The following SVIL variants were observed in gnomAD, a reference collection of about 807,000 sequenced individuals.
SVIL encodes archvillin.
SVIL carries 101 observed loss-of-function variants against 240.4 expected under a neutral mutation model. The ratio of observed to expected loss-of-function variants is 0.42; its 90% CI spans 0.36 to 0.50. The LOEUF (loss-of-function observed/expected upper bound fraction) is 0.50. SVIL is among the 20% of genes least tolerant of loss of function. The pLI is 0.01. For synonymous variants in SVIL, 999 were observed against 1,100.0 expected, an observed-to-expected ratio of 0.91 and a Z score of 1.82; for missense variants, 2,512 against 2,818.7, an observed-to-expected ratio of 0.89 and a Z score of 2.46.
intron 2 of SVIL, among the ~76,000 whole-genome samples, chr10:29,568,405 G>C (rs1955166779): frequency 2.0e-5 from 3 of 151,734 alleles, no homozygotes; most frequent in South Asian, 4.2e-4. Context: ...TTTGGTCAAG[G>C]AACAATGTCA....
At chr10:29,717,232 CAAAAAAAAAAAAA>C (rs71023503) in intron 1 of SVIL, among the ~76,000 whole-genome samples, 17 of 38,324 alleles carry the variant, frequency 4.4e-4, no homozygotes, top group South Asian at 3.4e-3. Context: ...GACTCTCTCT[CAAAAAAAAAAAAA>C]AAAAAAAAAA....
chr10:29,703,213 T>C lies in SVIL; in HGVS notation c.-399-16562A>G, dbSNP rs147661108. 4.9e-3 allele frequency among the ~76,000 whole-genome samples: 739 copies of C among 152,288 alleles called. 7 individuals carry two copies. Among genetic ancestry groups the C allele is most frequent in the African/African-American group, 0.014 (561 of 41,542 alleles). ...CCATTTTCATAATTTTTCTCTGCTGTTTTTAAAGTTTCTCTGGGTTCATTA... is the reference window on the plus strand; with the variant it reads ...CCATTTTCATAATTTTTCTCTGCTGCTTTTAAAGTTTCTCTGGGTTCATTA... On this transcript the variant is annotated intron_variant, in intron 1 of 35. Coordinates refer to the SVIL transcript ENST00000375400.
At chr10:29,554,234 T>A (rs55772408) in intron 5 of SVIL, among the ~76,000 whole-genome samples, 1 of 151,494 alleles carries the variant, frequency 6.6e-6, no homozygotes, top group African/African-American at 2.4e-5. Context: ...TCACTTGACC[T>A]TGGGAGGTTG....
intron 1 of SVIL, among the ~76,000 whole-genome samples, chr10:29,724,838 A>G (rs1380618807): frequency 6.6e-6 from 1 of 152,070 alleles, no homozygotes; most frequent in Non-Finnish European, 1.5e-5. Flanking sequence ...CCTGGTCAAC[A>G]TGGTGAAACC....
At chr10:29,582,486 C>A (rs1036469483) in intron 1 of SVIL, among the ~76,000 whole-genome samples, 1 of 152,094 alleles carries the variant, frequency 6.6e-6, no homozygotes, top group Non-Finnish European at 1.5e-5. Context: ...CCTGTAATCC[C>A]AGCACTTTGG....
rs574090214 is a variant in SVIL, at chr10:29,722,282, G to A, written c.-400+13469C>T. Reference sequence around the variant, plus strand: ...GAAAAAAAACTGCATCAGCAAGTACGAGTTTTTAAAATGCAAAAATTTCCC... The same window carrying A: ...GAAAAAAAACTGCATCAGCAAGTACAAGTTTTTAAAATGCAAAAATTTCCC... On this transcript the variant is annotated intron_variant, in intron 1 of 35. Transcript: ENST00000375400. Among the ~76,000 whole-genome samples, 89 of 150,868 alleles carry A rather than the reference G, an allele frequency of 5.9e-4. 2 individuals are homozygous for A. The South Asian group carries it at 0.012, about 20-fold the overall frequency.
At chr10:29,627,150 GAC>G (rs1957906855) in intron 1 of SVIL, among the ~76,000 whole-genome samples, 1 of 152,114 alleles carries the variant, frequency 6.6e-6, no homozygotes, top group Non-Finnish European at 1.5e-5. Flanking sequence ...AACAAGCAAG[GAC>G]AGTGAGAGGA....
intron 1 of SVIL, among the ~76,000 whole-genome samples, chr10:29,720,601 G>A (rs935114687): frequency 2.0e-5 from 3 of 152,094 alleles, no homozygotes; most frequent in African/African-American, 7.2e-5. Context: ...AAGAACAGTG[G>A]AAATAGTTAC....
chr10:29,590,336 G>T lies in SVIL; in HGVS notation c.-200-21024C>A, dbSNP rs74129735. Among the ~76,000 whole-genome samples the T allele has an allele frequency of 6.1e-3, 924 of 152,146 alleles. 10 individuals carry two copies. The highest frequency in any genetic ancestry group is 0.021 in the African/African-American group (869 of 41,508). ...CCCAGCACAAAAGAGCTATTCACAT[G>T]CTTGATTGTACTGAGCCAGCCCCTG... is the stretch of plus-strand genomic sequence containing the variant. On this transcript the variant is annotated intron_variant, in intron 1 of 37. Coordinates refer to ENST00000355867, the MANE Select transcript of SVIL (RefSeq NM_021738.3).
At chr10:29,708,639 A>C (rs1281069007) in intron 1 of SVIL, among the ~76,000 whole-genome samples, 1 of 152,196 alleles carries the variant, frequency 6.6e-6, no homozygotes, top group Admixed American at 6.5e-5. Context: ...AAAAGAAAAC[A>C]AAAGATTTTG....
rs752713834 is a variant in SVIL at position 29,480,757 on chromosome 10, G to A, written c.5157C>T (p.Pro1719=). The part of the protein sequence containing the change: ...AYDVTRMVSM[P]QTTAGTILDG... ...CCAGGATGGTGCCTGCTGTCGTCTG[G>A]GGCATGGACACCATCCGTGTCACAT... Residue 1719 remains proline (P), a synonymous_variant, in exon 29 of 38, where the codon CCC becomes CCT. Transcript: ENST00000355867. 2 of 1,613,942 alleles carry A rather than the reference G, an allele frequency of 1.2e-6. No homozygotes were observed. Among genetic ancestry groups the A allele is most frequent in the East Asian group, 4.5e-5 (2 of 44,872 alleles).
At chr10:29,506,635 A>AGGGAGGGGACAGAGGCCCTAT (rs1554826538) in intron 17 of SVIL, among the ~76,000 whole-genome samples, 6 of 136,394 alleles carry the variant, frequency 4.4e-5, no homozygotes, top group African/African-American at 1.4e-4. Context: ...CAGAGGCCCT[A>AGGGAGGGGACAGAGGCCCTAT]GAGGGAGGGG....
intron 36 of SVIL, among the ~76,000 whole-genome samples, chr10:29,460,967 C>T (rs1414916943): frequency 6.6e-6 from 1 of 152,078 alleles, no homozygotes; most frequent in African/African-American, 2.4e-5. Flanking sequence ...CCTAACCAAC[C>T]CCCCGCTTCC....
At chr10:29,599,247 G>C (rs1455425507) in intron 1 of SVIL, among the ~76,000 whole-genome samples, 1 of 152,152 alleles carries the variant, frequency 6.6e-6, no homozygotes, top group Non-Finnish European at 1.5e-5. Context: ...TGACACGCAG[G>C]ACAACACTCA....
chr10:29,673,036 C>T (rs1482946427), intron 2 of SVIL, among the ~76,000 whole-genome samples: 3 of 152,082 alleles, frequency 2.0e-5, no homozygotes, highest in South Asian at 2.1e-4. Context: ...GCCTCAGCCT[C>T]CCGAGTAGCT....
At chr10:29,621,467 C>A (rs1714388264) in intron 1 of SVIL, among the ~76,000 whole-genome samples, 1 of 152,256 alleles carries the variant, frequency 6.6e-6, no homozygotes, top group South Asian at 2.1e-4. Context: ...CAGGGGCTAC[C>A]CCGCAGCGGG....
chr10:29,508,155 A>T (rs1392877589), intron 17 of SVIL: 1 of 336,430 alleles, frequency 3.0e-6, no homozygotes, highest in Admixed American at 3.9e-5. Flanking sequence ...TATCTTCATT[A>T]CATGATTAAA....
chr10:29,616,872 G>A (rs1957445765), intron 1 of SVIL, among the ~76,000 whole-genome samples: 1 of 152,128 alleles, frequency 6.6e-6, no homozygotes, highest in African/African-American at 2.4e-5. Flanking sequence ...ATAGGCCCAC[G>A]CCACGAAGCA....
chr10:29,584,234 T>C (rs1032443324), intron 1 of SVIL, among the ~76,000 whole-genome samples: 5 of 152,204 alleles, frequency 3.3e-5, no homozygotes, highest in African/African-American at 1.2e-4. Context: ...TGGGCTTAAA[T>C]GGTCCCATCC....
Sources: allele counts gnomAD v4.1 joint callset (sites outside exome capture counted in the v4.1 genomes callset), GRCh38; gene constraint gnomAD v4.1.1; transcripts MANE v1.5; gene names NCBI Gene and HGNC (gene_info 2026-07-23, HGNC 2026-07-21).